The following RALB variants were observed in gnomAD, a reference collection of about 807,000 sequenced individuals.
RALB encodes RAS like proto-oncogene B, also known as ras-related protein Ral-B.
RALB carries 16 observed loss-of-function variants against 21.3 expected under a neutral mutation model. The ratio of observed to expected loss-of-function variants is 0.75; its 90% confidence interval spans 0.51 to 1.14. The LOEUF (loss-of-function observed/expected upper bound fraction) is 1.14. Ranked by LOEUF, RALB falls within the 50% of genes most tolerant of loss-of-function variation. The probability of loss-of-function intolerance (pLI) is 0.00; values close to 1 mark genes in which losing one functional copy is unlikely to be tolerated. For synonymous variants in RALB, 93 were observed against 96.1 expected (o/e 0.97, Z 0.19); for missense variants, 161 against 256.2 (o/e 0.63, Z 2.54).
At chr2:120,273,156 A>C (rs1329786211) in intron 1 of RALB, among the ~76,000 whole-genome samples, 1 of 118,874 alleles carries the variant, frequency 8.4e-6, no homozygotes, top group Non-Finnish European at 1.8e-5. Flanking sequence ...TGGAATTATC[A>C]GTCAAATCAG....
intron 1 of RALB, among the ~76,000 whole-genome samples, chr2:120,264,837 A>G (rs535501861): frequency 1.3e-5 from 2 of 152,162 alleles, no homozygotes; most frequent in South Asian, 4.2e-4. Flanking sequence ...TGGGTACCTC[A>G]TATCAGTGGA....
chr2:120,285,684 A>G (rs993270022), intron 2 of RALB, among the ~76,000 whole-genome samples, 190 bp from the exon 3 acceptor site: 1 of 152,208 alleles, frequency 6.6e-6, no homozygotes, highest in Non-Finnish European at 1.5e-5. Flanking sequence ...GTAAATTGGG[A>G]TATCTGCCTG....
chr2:120,256,306 C>T (rs12151784), intron 1 of RALB, among the ~76,000 whole-genome samples: 12,136 of 152,176 alleles, frequency 0.08, 651 homozygotes, highest in Non-Finnish European at 0.12. Flanking sequence ...AGTGATCTGA[C>T]GGGGGTGGGG....
At chr2:120,272,600 G>A (rs975337266) in intron 1 of RALB, among the ~76,000 whole-genome samples, 4 of 152,174 alleles carry the variant, frequency 2.6e-5, no homozygotes, top group African/African-American at 9.7e-5. Context: ...TGTTGGGGAA[G>A]ATACCTGTAT....
intron 1 of RALB, among the ~76,000 whole-genome samples, chr2:120,242,724 C>A (rs1435921053): frequency 6.6e-6 from 1 of 151,930 alleles, no homozygotes; most frequent in Admixed American, 6.6e-5. Flanking sequence ...GGCGACAGAG[C>A]AAGACTGCAT....
At chr2:120,265,968 TA>T (rs1207487573) in intron 1 of RALB, among the ~76,000 whole-genome samples, 2 of 152,256 alleles carry the variant, frequency 1.3e-5, no homozygotes, top group South Asian at 2.1e-4. Context: ...TATAAATGTG[TA>T]ACCATCTGTA....
In RALB at chr2:120,293,793, A is replaced by C. The variant is rs1464779419; in HGVS notation, c.*533A>C. The C allele has an allele frequency of 1.6e-5, 3 of 184,656 alleles. No individual in the cohort carries two copies. Among genetic ancestry groups the C allele is most frequent in the African/African-American group, 7.0e-5 (3 of 42,820 alleles). The allele number at this position is 184,656 out of a possible 1,614,324, so 11.4% of individuals were successfully genotyped here. A position where few individuals can be genotyped will look rare whatever the true frequency, so the allele number is the denominator to read the frequency against. The stretch of plus-strand genomic sequence containing the variant: ...TGGCAATACCCTGTGGATCTGAAAC[A>C]GCTAAAAAAATGAATTTGAATTGCG... On this transcript the variant is annotated 3_prime_UTR_variant, in exon 5 of 5. Coordinates refer to ENST00000272519, the MANE Select transcript of RALB (RefSeq NM_002881.3).
intron 1 of RALB, among the ~76,000 whole-genome samples, chr2:120,271,853 A>C (rs1689673086): frequency 6.6e-6 from 1 of 152,238 alleles, no homozygotes; most frequent in South Asian, 2.1e-4. Context: ...TATTTATAGA[A>C]GTCTTTCATT....
intron 1 of RALB, among the ~76,000 whole-genome samples, chr2:120,269,396 G>A (rs1049128326): frequency 1.3e-5 from 2 of 152,216 alleles, no homozygotes; most frequent in Admixed American, 6.5e-5. Context: ...AGCTTCCACA[G>A]CGTGGAAGGT....
At chr2:120,251,611 G>T (rs931247069), upstream of RALB, among the ~76,000 whole-genome samples, 1 of 152,192 alleles carries the variant, frequency 6.6e-6, no homozygotes, top group South Asian at 2.1e-4. Flanking sequence ...GTAAGAAAAG[G>T]TTTGGGTCTG....
chr2:120,285,796 A>T, intron 2 of RALB, 78 bp from the exon 3 acceptor site: 4 of 1,139,988 alleles, frequency 3.5e-6, no homozygotes, highest in Non-Finnish European at 4.0e-6. Flanking sequence ...TGAAGTGCCC[A>T]TATGTGGAAT....
intron 1 of RALB, among the ~76,000 whole-genome samples, chr2:120,260,857 G>A (rs1689349103): frequency 6.6e-6 from 1 of 152,216 alleles, no homozygotes; most frequent in African/African-American, 2.4e-5. Flanking sequence ...TGGAGTTTGT[G>A]GGTGATCTTG....
chr2:120,259,295 G>A (rs553293970), intron 1 of RALB, among the ~76,000 whole-genome samples: 401 of 152,258 alleles, frequency 2.6e-3, no homozygotes, highest in South Asian at 5.2e-3. Context: ...TGGTAGAGCC[G>A]AATGGCCTGT....
chr2:120,249,587 T>C (rs145625043), upstream of RALB, among the ~76,000 whole-genome samples: 215 of 151,942 alleles, frequency 1.4e-3, no homozygotes, highest in African/African-American at 5.0e-3. Context: ...AACCAGACCT[T>C]GTGTGAACTC....
At chr2:120,255,716 A>G (rs546605571) in intron 1 of RALB, among the ~76,000 whole-genome samples, 1 of 152,294 alleles carries the variant, frequency 6.6e-6, no homozygotes, top group South Asian at 2.1e-4. Flanking sequence ...TCTCAATTTC[A>G]AGTTTGTCAC....
intron 1 of RALB, among the ~76,000 whole-genome samples, chr2:120,265,717 C>G (rs1427567141): frequency 6.6e-6 from 1 of 152,196 alleles, no homozygotes; most frequent in Admixed American, 6.5e-5. Context: ...AGTTAAGTGA[C>G]CCTGGACAAA....
intron 1 of RALB, among the ~76,000 whole-genome samples, chr2:120,244,616 T>TCATCCATC (rs60555914): frequency 6.6e-6 from 1 of 151,942 alleles, no homozygotes; most frequent in African/African-American, 2.4e-5. Flanking sequence ...AGCCATTCCC[T>TCATCCATC]CATCCATCCA....
At chr2:120,245,104 C>A (rs1178878323) in intron 1 of RALB, among the ~76,000 whole-genome samples, 1 of 152,230 alleles carries the variant, frequency 6.6e-6, no homozygotes, top group Non-Finnish European at 1.5e-5. Flanking sequence ...ACAGCTCCTG[C>A]AGATAGCAGA....
In RALB at chr2:120,293,849, C is replaced by T. The variant is rs143192795; in HGVS notation, c.*589C>T. 6.9e-3 allele frequency: 1,914 copies of T among 278,130 alleles called. 9 individuals carry two copies. The highest frequency in any genetic ancestry group is 7.9e-3 in the Non-Finnish European group (1,198 of 151,082). The allele number at this position is 278,130 out of a possible 1,614,324, so 17.2% of individuals were successfully genotyped here. Reference sequence around the variant, plus strand: ...TAGGTCAATACCAAGCTTCTGATTCCTCCTCACATATGAAAAGTGAAAGTT... The same window carrying T: ...TAGGTCAATACCAAGCTTCTGATTCTTCCTCACATATGAAAAGTGAAAGTT... On this transcript the variant is annotated 3_prime_UTR_variant, in exon 5 of 5. Transcript: ENST00000272519.
Sources: gnomAD v4.1 joint callset for allele counts (sites outside exome capture counted in the v4.1 genomes callset) on GRCh38, gnomAD v4.1.1 for gene constraint, MANE v1.5 for transcripts, NCBI Gene and HGNC (gene_info 2026-07-23, HGNC 2026-07-21) for gene names.